ANKRD44: variants seen among roughly 807,000 people sequenced by gnomAD.
The protein encoded by ANKRD44 is serine/threonine-protein phosphatase 6 regulatory ankyrin repeat subunit B.
ANKRD44 carries 35 observed loss-of-function variants against 116.0 expected under a neutral mutation model. The ratio of observed to expected loss-of-function variants is 0.30; its 90% CI spans 0.23 to 0.40. The LOEUF (loss-of-function observed/expected upper bound fraction) is 0.40. Ranked by LOEUF, ANKRD44 falls within the 10% of genes least tolerant of loss-of-function variation. ANKRD44 has a pLI of 1.00. For missense variants in ANKRD44, 1,014 were observed against 1,242.6 expected, an observed-to-expected ratio of 0.82 and a Z score of 2.77; for synonymous variants, 435 against 461.8, an observed-to-expected ratio of 0.94 and a Z score of 0.74.
intron 1 of ANKRD44, among the ~76,000 whole-genome samples, chr2:197,221,005 T>G (rs1003736202): frequency 2.0e-4 from 30 of 152,168 alleles, no homozygotes; most frequent in African/African-American, 6.0e-4. Context: ...ATCCCAGCAC[T>G]TTGGGAGGCC....
intron 3 of ANKRD44, 92 bp from the exon 4 acceptor site, chr2:197,136,754 C>A: frequency 9.6e-7 from 1 of 1,044,474 alleles, no homozygotes; most frequent in Non-Finnish European, 1.5e-6. Context: ...TCCCATTTGC[C>A]TGACATAACC....
intron 9 of ANKRD44, among the ~76,000 whole-genome samples, chr2:197,102,650 G>T (rs923721909): frequency 1.3e-5 from 2 of 151,900 alleles, no homozygotes; most frequent in Admixed American, 6.6e-5. Context: ...AAGTTTGTGT[G>T]TATGTCCTTA....
Position 197,189,454 on chromosome 2 carries a change from C to G in ANKRD44, c.28-2348G>C, listed in dbSNP as rs111443799. 4.1e-3 allele frequency among the ~76,000 whole-genome samples: 623 copies of G among 152,330 alleles called. 4 individuals carry two copies. The highest frequency in any genetic ancestry group is 0.014 in the African/African-American group (593 of 41,578). On this transcript the variant is annotated intron_variant, in intron 1 of 27. Coordinates refer to ENST00000282272, the MANE Select transcript of ANKRD44 (RefSeq NM_001195144.2). ...TTACTCTGCTTAAAGACAGGCAGAT[C>G]CTTCCACACTCCCCCTAACTACCTG...
At chr2:197,218,751 C>CTTATTTTTTTT (rs2081509797) in intron 1 of ANKRD44, among the ~76,000 whole-genome samples, 1 of 52,338 alleles carries the variant, frequency 1.9e-5, no homozygotes, top group African/African-American at 6.9e-5. Context: ...GGTAAAGTCC[C>CTTATTTTTTTT]TTTTTTTTTT....
At chr2:196,993,323 C>A (rs185588678) in intron 27 of ANKRD44, among the ~76,000 whole-genome samples, 108 of 152,304 alleles carry the variant, frequency 7.1e-4, no homozygotes, top group Non-Finnish European at 1.2e-3. Context: ...GATATTTTAA[C>A]CACTGTGCTG....
chr2:197,059,605 G>A (rs1039585401), intron 16 of ANKRD44, among the ~76,000 whole-genome samples: 9 of 152,176 alleles, frequency 5.9e-5, no homozygotes, highest in African/African-American at 2.2e-4. Context: ...ATTATTTTAA[G>A]CAAAATTAAA....
At chr2:197,101,380 C>T (rs868355489) in intron 9 of ANKRD44, among the ~76,000 whole-genome samples, 1 of 152,164 alleles carries the variant, frequency 6.6e-6, no homozygotes, top group African/African-American at 2.4e-5. Context: ...AGAGCAGATG[C>T]GTGCTTCCCG....
chr2:197,239,252 C>T (rs1275741312), intron 1 of ANKRD44, among the ~76,000 whole-genome samples: 3 of 152,116 alleles, frequency 2.0e-5, no homozygotes, highest in African/African-American at 7.2e-5. Context: ...AAAAAATTGT[C>T]CTTTTTTCTC....
rs140054807 is a variant in ANKRD44 at position 197,158,053 on chromosome 2, T to C, written c.112-10948A>G. Among the ~76,000 whole-genome samples the C allele has an allele frequency of 3.9e-3, 593 of 152,300 alleles. 5 individuals carry two copies. Among genetic ancestry groups the C allele is most frequent in the Middle Eastern group, 6.8e-3 (2 of 294 alleles). On this transcript the variant is annotated intron_variant, in intron 2 of 27. Transcript: ENST00000282272. ...GTGGAAACAGAACATGGGAAAGGGT[T>C]CTGGTCCTTAAGTCCCACAGAATGA...
intron 10 of ANKRD44, among the ~76,000 whole-genome samples, chr2:197,092,204 A>G (rs2078057587): frequency 6.6e-6 from 1 of 152,238 alleles, no homozygotes; most frequent in South Asian, 2.1e-4. Flanking sequence ...ATCAAATAAT[A>G]CATTTCAGCC....
intron 1 of ANKRD44, among the ~76,000 whole-genome samples, chr2:197,205,951 G>A (rs1470439865): frequency 6.6e-6 from 1 of 152,180 alleles, no homozygotes; most frequent in African/African-American, 2.4e-5. Flanking sequence ...GCTGGAGTGT[G>A]GGATGCAAGG....
In ANKRD44 at chr2:197,005,620, C is replaced by G. The variant is rs1304388540; in HGVS notation, c.2347+74G>C. ...ATGGTTTGCAGAATTACATAAGGCTCTCACCTCCACTGAGCTCACAGTGGT... is the reference window on the plus strand; with the variant it reads ...ATGGTTTGCAGAATTACATAAGGCTGTCACCTCCACTGAGCTCACAGTGGT... On this transcript the variant is annotated intron_variant, in intron 21 of 27. Transcript: ENST00000282272. 12 of 1,341,004 alleles carry G rather than the reference C, an allele frequency of 8.9e-6. No homozygotes were observed. In the Admixed American group the frequency reaches 9.4e-5, roughly 10 times the overall value. The allele number at this position is 1,341,004 out of a possible 1,614,324, so 83.1% of individuals were successfully genotyped here.
chr2:197,140,918 G>A (rs1477909513), intron 3 of ANKRD44, among the ~76,000 whole-genome samples: 1 of 152,126 alleles, frequency 6.6e-6, no homozygotes, highest in East Asian at 1.9e-4. Flanking sequence ...CAATAAAGCT[G>A]CTTTAAAAAT....
chr2:197,154,938 T>C (rs775821724), intron 2 of ANKRD44, among the ~76,000 whole-genome samples: 43 of 152,314 alleles, frequency 2.8e-4, no homozygotes, highest in Non-Finnish European at 4.7e-4. Flanking sequence ...ATAGAAAATA[T>C]AGATATATTT....
chr2:197,167,030 T>G (rs1462185111), intron 2 of ANKRD44, among the ~76,000 whole-genome samples: 1 of 152,228 alleles, frequency 6.6e-6, no homozygotes, highest in Non-Finnish European at 1.5e-5. Flanking sequence ...TATGTGGTAT[T>G]TTTGTTTATA....
chr2:197,116,642 G>A lies in ANKRD44; in HGVS notation c.906+4690C>T, dbSNP rs2078717601. Among the ~76,000 whole-genome samples the A allele has an allele frequency of 3.3e-5, 5 of 151,982 alleles. No individual in the cohort carries two copies. The South Asian group carries it at 1.0e-3, about 32-fold the overall frequency. On this transcript the variant is annotated intron_variant, in intron 8 of 27. Transcript: ENST00000282272. ...TTCTCTGGCTCTTTCTCCTCCTCCT[G>A]TTCCTAAGAGTAAAGGGCTGTTTCA...
At chr2:197,227,646 G>A (rs976028020) in intron 1 of ANKRD44, among the ~76,000 whole-genome samples, 5 of 151,842 alleles carry the variant, frequency 3.3e-5, no homozygotes, top group African/African-American at 9.7e-5. Context: ...AAAGACAGCT[G>A]ACTTGTGAGA....
chr2:197,158,122 A>G (rs1363402769), intron 2 of ANKRD44, among the ~76,000 whole-genome samples: 1 of 152,212 alleles, frequency 6.6e-6, no homozygotes, highest in East Asian at 1.9e-4. Flanking sequence ...CGAAACAGGA[A>G]TATACAACCA....
At chr2:197,173,737 A>G (rs2080295880) in intron 2 of ANKRD44, among the ~76,000 whole-genome samples, 1 of 152,088 alleles carries the variant, frequency 6.6e-6, no homozygotes, top group Non-Finnish European at 1.5e-5. Flanking sequence ...CATTCCCTAA[A>G]AATACAACTT....
Sources: gnomAD v4.1 joint callset for allele counts (sites outside exome capture counted in the v4.1 genomes callset) on GRCh38, gnomAD v4.1.1 for gene constraint, MANE v1.5 for transcripts, NCBI Gene and HGNC (gene_info 2026-07-23, HGNC 2026-07-21) for gene names.